The following SLC24A2 variants were observed in gnomAD, a reference collection of about 807,000 sequenced individuals.
SLC24A2 encodes the protein sodium/potassium/calcium exchanger 2.
A neutral mutation model predicts 62.0 loss-of-function variants in SLC24A2; 36 were observed. The ratio of observed to expected loss-of-function variants is 0.58; its 90% CI spans 0.44 to 0.77. The LOEUF is 0.77. Ranked by LOEUF, SLC24A2 falls within the 30% of genes least tolerant of loss-of-function variation. SLC24A2 has a pLI of 0.00. For missense variants in SLC24A2, 846 were observed against 817.9 expected, an observed-to-expected ratio of 1.03 and a Z score of -0.42; for synonymous variants, 358 against 294.0, an observed-to-expected ratio of 1.22 and a Z score of -2.23.
In SLC24A2 at chr9:19,514,008, C is replaced by T. The variant is rs1832834102; in HGVS notation, c.*2145G>A. On this transcript the variant is annotated 3_prime_UTR_variant, in exon 11 of 11. Coordinates refer to ENST00000341998, the MANE Select transcript of SLC24A2 (RefSeq NM_020344.4). ...TTCAATGTCTTGGAAGGCATTGTCC[C>T]ACATCTGAAGACCCCAATCTGCCGA... 1 of 152,208 alleles carries T rather than the reference C, an allele frequency of 6.6e-6. No homozygotes were observed. Among genetic ancestry groups the T allele is most frequent in the African/African-American group, 2.4e-5 (1 of 41,450 alleles). The allele number at this position is 152,208 out of a possible 1,614,324, so 9.4% of individuals were successfully genotyped here. A position where few individuals can be genotyped will look rare whatever the true frequency, so the allele number is the denominator to read the frequency against.
At chr9:19,924,224 CA>C in the SLC24A2 span, among the ~76,000 whole-genome samples, 1 of 152,090 alleles carries the variant, frequency 6.6e-6, no homozygotes, top group Non-Finnish European at 1.5e-5. Context: ...GTAAGGAAAA[CA>C]AAAATGAGAG....
At position 19,514,169 on chromosome 9, in the gene SLC24A2, C is replaced by T. The variant is rs1832841115; in HGVS notation, c.*1984G>A. The T allele has an allele frequency of 6.6e-6, 1 of 152,216 alleles. No homozygotes were observed. The highest frequency in any genetic ancestry group is 2.1e-4 in the South Asian group (1 of 4,824). 9.4% of individuals were successfully genotyped at this position (152,216 alleles called of 1,614,324 possible). A position where few individuals can be genotyped will look rare whatever the true frequency, so the allele number is the denominator to read the frequency against. On this transcript the variant is annotated 3_prime_UTR_variant, in exon 11 of 11. Coordinates refer to ENST00000341998, the MANE Select transcript of SLC24A2 (RefSeq NM_020344.4). ...GGGCATTTCCTGTTATTGCCATGCT[C>T]TGTGGGGTGAGCTGAGGTTTTCTGG...
chr9:20,188,653 G>A, the SLC24A2 span, among the ~76,000 whole-genome samples: 19 of 152,224 alleles, frequency 1.2e-4, no homozygotes, highest in Admixed American at 1.2e-3. Flanking sequence ...GAGGCAGAAG[G>A]GTCAGAGTCA....
At chr9:19,559,676 C>T (rs999088640) in intron 7 of SLC24A2, among the ~76,000 whole-genome samples, 3 of 152,160 alleles carry the variant, frequency 2.0e-5, no homozygotes, top group African/African-American at 7.2e-5. Context: ...CCCCCAGAAA[C>T]ATTCCATAGA....
chr9:19,873,536 C>CTTTCTTTCTTTATT, the SLC24A2 span, among the ~76,000 whole-genome samples: 1 of 137,040 alleles, frequency 7.3e-6, no homozygotes, highest in Non-Finnish European at 1.5e-5. Flanking sequence ...TCCTTTCTTT[C>CTTTCTTTCTTTATT]TCTTTCTTTC....
chr9:19,639,899 G>GT (rs558709818), intron 2 of SLC24A2, among the ~76,000 whole-genome samples: 96 of 152,296 alleles, frequency 6.3e-4, no homozygotes, highest in Middle Eastern at 3.4e-3. Context: ...AAAGAAAACA[G>GT]TTTTTTGTTA....
At chr9:20,090,669 G>A in the SLC24A2 span, among the ~76,000 whole-genome samples, 1 of 151,960 alleles carries the variant, frequency 6.6e-6, no homozygotes, top group African/African-American at 2.4e-5. Flanking sequence ...CAAATCCTTG[G>A]CCCTGTGAAA....
intron 2 of SLC24A2, among the ~76,000 whole-genome samples, chr9:19,723,633 C>T (rs1413884376): frequency 1.3e-5 from 2 of 151,980 alleles, no homozygotes; most frequent in South Asian, 2.1e-4. Context: ...GGGCTATTAC[C>T]TTGTGTCCCA....
intron 8 of SLC24A2, 45 bp downstream of exon 8, chr9:19,550,092 A>G: frequency 6.3e-7 from 1 of 1,595,936 alleles, no homozygotes; most frequent in African/African-American, 1.3e-5. Context: ...CCTGTTATGT[A>G]CCATATGTTT....
the SLC24A2 span, among the ~76,000 whole-genome samples, chr9:20,141,261 T>G: frequency 6.6e-6 from 1 of 152,052 alleles, no homozygotes; most frequent in Non-Finnish European, 1.5e-5. Flanking sequence ...CTTTCCTCTA[T>G]CTCTTCCATG....
At chr9:20,199,885 A>ATT in the SLC24A2 span, among the ~76,000 whole-genome samples, 1,147 of 131,994 alleles carry the variant, frequency 8.7e-3, 18 homozygotes, top group African/African-American at 0.027. Context: ...TGCCTGGCTA[A>ATT]TTTTTTTTTT....
chr9:20,141,693 G>A, the SLC24A2 span, among the ~76,000 whole-genome samples: 1 of 151,892 alleles, frequency 6.6e-6, no homozygotes, highest in East Asian at 1.9e-4. Flanking sequence ...TTCTAGAAAC[G>A]ACGCTACTGC....
chr9:19,628,203 C>T (rs909710441), intron 2 of SLC24A2, among the ~76,000 whole-genome samples: 3 of 152,158 alleles, frequency 2.0e-5, no homozygotes, highest in African/African-American at 7.2e-5. Flanking sequence ...AGCACCCTGG[C>T]AGAACAGAAC....
the SLC24A2 span, among the ~76,000 whole-genome samples, chr9:19,818,646 C>T: frequency 1.1e-4 from 16 of 151,936 alleles, no homozygotes; most frequent in East Asian, 1.9e-4. Context: ...ACCAAGGAGT[C>T]GAAAGACCTC....
the SLC24A2 span, among the ~76,000 whole-genome samples, chr9:19,968,725 G>A: frequency 1.3e-5 from 2 of 152,142 alleles, no homozygotes; most frequent in Non-Finnish European, 2.9e-5. Context: ...GAGGTCCTTG[G>A]CCCTCTAATG....
chr9:20,063,870 A>C, the SLC24A2 span, among the ~76,000 whole-genome samples: 3 of 152,168 alleles, frequency 2.0e-5, no homozygotes, highest in East Asian at 5.8e-4. Flanking sequence ...ATCCTTATCA[A>C]TTACTTGTGG....
At chr9:19,701,161 A>T (rs1383328529) in intron 2 of SLC24A2, among the ~76,000 whole-genome samples, 4 of 152,332 alleles carry the variant, frequency 2.6e-5, no homozygotes, top group Admixed American at 2.6e-4. Context: ...CTGTTTAGGG[A>T]AGATTAACCT....
At chr9:19,703,046 C>A (rs1488064877) in intron 2 of SLC24A2, among the ~76,000 whole-genome samples, 2 of 151,942 alleles carry the variant, frequency 1.3e-5, no homozygotes, top group African/African-American at 4.8e-5. Context: ...GTAAAAGTTC[C>A]TGAGCTTGAG....
chr9:20,092,100 C>G, the SLC24A2 span, among the ~76,000 whole-genome samples: 3 of 152,070 alleles, frequency 2.0e-5, no homozygotes, highest in Admixed American at 6.5e-5. Flanking sequence ...TGAGAGTGAA[C>G]AGTGGAAGGA....
Sources: gnomAD v4.1 joint callset for allele counts (sites outside exome capture counted in the v4.1 genomes callset) on GRCh38, gnomAD v4.1.1 for gene constraint, MANE v1.5 for transcripts, NCBI Gene and HGNC (gene_info 2026-07-23, HGNC 2026-07-21) for gene names.